Variants in KHSRP observed in about 807,000 individuals in gnomAD.
KHSRP encodes the protein KH-type splicing regulatory protein, also known as far upstream element-binding protein 2.
KHSRP carries 13 observed loss-of-function variants against 94.9 expected under a neutral mutation model. The observed-to-expected ratio is 0.14, with a 90% CI of 0.09 to 0.22. The LOEUF (loss-of-function observed/expected upper bound fraction) is 0.22, where lower values mean the gene tolerates loss of function less well. Among genes scored for constraint, KHSRP ranks in the 10% least tolerant of loss-of-function variants. The probability of loss-of-function intolerance (pLI) is 1.00; values close to 1 mark genes in which losing one functional copy is unlikely to be tolerated. For missense variants in KHSRP, 710 were observed against 1,010.0 expected (o/e 0.70, Z 4.03); for synonymous variants, 495 against 401.4 (o/e 1.23, Z -2.79).
rs186521961 is a variant in KHSRP, at chr19:6,421,871, C to T, written c.347-183G>A. Among the ~76,000 whole-genome samples the T allele has an allele frequency of 2.7e-3, 405 of 152,342 alleles. 2 individuals are homozygous for T. Among genetic ancestry groups the T allele is most frequent in the Non-Finnish European group, 4.9e-3 (336 of 68,040 alleles). On this transcript the variant is annotated intron_variant, in intron 2 of 18. Transcript: ENST00000600480. ...GGCCAGACCCCGCCAATTCCGCCAC[C>T]AACGCTCAGAGTAAAAAAGCCTTCA...
chr19:6,416,544 C>T lies in KHSRP; in HGVS notation c.1434G>A (p.Arg478=), dbSNP rs757649758. Reference sequence around the variant, plus strand: ...CGTGGTCAATCTGCTGGGGTGAACCCCGGATGATGAACAACTTGAAGTTGG... The same window carrying T: ...CGTGGTCAATCTGCTGGGGTGAACCTCGGATGATGAACAACTTGAAGTTGG... The part of the protein sequence containing the change: ...GDPNFKLFII[R]GSPQQIDHAK... The change falls in exon 14 of 19, where the codon CGG becomes CGA. Residue 478 remains arginine, a synonymous_variant. Transcript: ENST00000600480. 2 of 1,613,808 alleles carry T rather than the reference C, an allele frequency of 1.2e-6. No individual in the cohort carries two copies. The highest frequency in any genetic ancestry group is 2.2e-5 in the South Asian group (2 of 91,070).
chr19:6,418,984 T>C lies in KHSRP; in HGVS notation c.606-108A>G. 7.8e-7 allele frequency: 1 copy of C among 1,279,336 alleles called. No individual in the cohort carries two copies. The allele number at this position is 1,279,336 out of a possible 1,614,324, so 79.2% of individuals were successfully genotyped here. A position where few individuals can be genotyped will look rare whatever the true frequency, so the allele number is the denominator to read the frequency against. ...AAGGCGACCCCAGAGTGTGCAAGGATGACAGGGAAGAGGGGCCAGTCACAG... is the reference window on the plus strand; with the variant it reads ...AAGGCGACCCCAGAGTGTGCAAGGACGACAGGGAAGAGGGGCCAGTCACAG... On this transcript the variant is annotated intron_variant, in intron 7 of 18. Transcript: ENST00000600480. The surrounding 1 kb of genome is among the most constrained non-coding windows in gnomAD (Gnocchi z 4.3).
rs985395992 is a variant in KHSRP, at chr19:6,414,817, G to A, written c.*207C>T. On this transcript the variant is annotated 3_prime_UTR_variant, in exon 19 of 19. Transcript: ENST00000600480. The stretch of plus-strand genomic sequence containing the variant: ...GGCCGGGCCGGTGCCCACCGTCCGC[G>A]CTGTCTGCCTGCCCCCCGACTCCCC... 3.1e-5 allele frequency: 37 copies of A among 1,211,574 alleles called. No individual in the cohort carries two copies. The highest frequency in any genetic ancestry group is 8.3e-5 in the Admixed American group (2 of 24,090). 75.1% of individuals were successfully genotyped at this position (1,211,574 alleles called of 1,614,324 possible).
Position 6,413,467 on chromosome 19 carries a change from GAA to G in KHSRP, c.*1555_*1556del, listed in dbSNP as rs1433503888. 1.0e-5 allele frequency: 4 copies of G among 382,732 alleles called. No homozygotes were observed. Among genetic ancestry groups the G allele is most frequent in the South Asian group, 3.6e-5 (2 of 55,956 alleles). The allele number at this position is 382,732 out of a possible 1,614,324, so 23.7% of individuals were successfully genotyped here. A position where few individuals can be genotyped will look rare whatever the true frequency, so the allele number is the denominator to read the frequency against. On this transcript the variant is annotated 3_prime_UTR_variant, in exon 19 of 19. Transcript: ENST00000600480. Reference sequence around the variant, plus strand: ...AGTTTCAATCTCCTCTTGAACAGATGAAAAGACAACAGACCAGTCCTGGGAGG... The same window carrying G: ...AGTTTCAATCTCCTCTTGAACAGATGAAGACAACAGACCAGTCCTGGGAGG...
chr19:6,418,932 G>T lies in KHSRP; in HGVS notation c.606-56C>A, dbSNP rs567464678. 2.0e-6 allele frequency: 3 copies of T among 1,479,368 alleles called. No individual in the cohort carries two copies. The South Asian group carries it at 4.2e-5, about 21-fold the overall frequency. The allele number at this position is 1,479,368 out of a possible 1,614,324, so 91.6% of individuals were successfully genotyped here. ...GTGCCACCGCTGGAGAAAGGTACTG[G>T]TCTGGTGGCCCACCCAGCTCAAAGG... On this transcript the variant is annotated intron_variant, in intron 7 of 18. Coordinates refer to ENST00000600480, the MANE Select transcript of KHSRP (RefSeq NM_001366299.1). The surrounding 1 kb of genome is among the most constrained non-coding windows in gnomAD (Gnocchi z 4.3).
At chr19:6,415,508 G>A (rs911918869) in intron 17 of KHSRP, 26 bp downstream of exon 17, 1 of 1,539,058 alleles carries the variant, frequency 6.5e-7, no homozygotes, top group Non-Finnish European at 8.8e-7. Flanking sequence ...CAGGGCTGGA[G>A]CCCCCCCGCC....
In KHSRP at chr19:6,415,523, T is replaced by C; in HGVS notation, c.1888+11A>G. 1 of 1,545,790 alleles carries C rather than the reference T, an allele frequency of 6.5e-7. No homozygotes were observed. Among genetic ancestry groups the C allele is most frequent in the Non-Finnish European group, 8.7e-7 (1 of 1,144,598 alleles). On this transcript the variant is annotated intron_variant, in intron 17 of 18. Coordinates refer to ENST00000600480, the MANE Select transcript of KHSRP (RefSeq NM_001366299.1). ...CAGGGCTGGAGCCCCCCCGCCACCC[T>C]GCAGACTCACCGATCTTTTTGTAAT...
chr19:6,416,254 A>G, intron 15 of KHSRP, 44 bp downstream of exon 15: 1 of 1,469,738 alleles, frequency 6.8e-7, no homozygotes, highest in Non-Finnish European at 9.3e-7. Context: ...TTGCCAGCTC[A>G]GTAAGCCCCC....
intron 1 of KHSRP, 117 bp from the exon 2 acceptor site, chr19:6,422,553 GCCCT>G: frequency 4.2e-6 from 3 of 709,820 alleles, no homozygotes; most frequent in Non-Finnish European, 4.8e-6. Context: ...TTGGTGTCTG[GCCCT>G]CCAACTTAGG....
In KHSRP at chr19:6,417,019, G is replaced by T; in HGVS notation, c.1150C>A (p.Arg384=). ...GPPDRCEHAA[R]IINDLLQSLR... is the part of the protein sequence containing the mutation. ...CTCTGGAGGAGGTCGTTGATGATCC[G>T]GGCTGCGTGCTCGCACCTGTCTGGG... Residue 384 remains arginine, a synonymous_variant, in exon 12 of 19, where the codon CGG becomes AGG. Coordinates refer to ENST00000600480, the MANE Select transcript of KHSRP (RefSeq NM_001366299.1). 4 of 1,613,678 alleles carry T rather than the reference G, an allele frequency of 2.5e-6. No homozygotes were observed. Among genetic ancestry groups the T allele is most frequent in the Non-Finnish European group, 3.4e-6 (4 of 1,179,854 alleles).
At position 6,424,731 on chromosome 19, in the gene KHSRP, G is replaced by C; in HGVS notation, c.-30C>G. The C allele has an allele frequency of 2.0e-6, 2 of 1,009,112 alleles. No individual in the cohort carries two copies. The highest frequency in any genetic ancestry group is 2.4e-6 in the Non-Finnish European group (2 of 835,422). The allele number at this position is 1,009,112 out of a possible 1,614,324, so 62.5% of individuals were successfully genotyped here. On this transcript the variant is annotated 5_prime_UTR_variant, in exon 1 of 19. Transcript: ENST00000600480. ...CGGCGGGGCCGGGCCTGGCGCGGAG[G>C]CTGAAGCTGAGGAGGCGGCGGCGGC...
chr19:6,416,606 C>T lies in KHSRP; in HGVS notation c.1372G>A (p.Val458Ile), dbSNP rs2092148549. 3.1e-6 allele frequency: 5 copies of T among 1,613,868 alleles called. No individual in the cohort carries two copies. Among genetic ancestry groups the T allele is most frequent in the Non-Finnish European group, 3.4e-6 (4 of 1,179,800 alleles). ...KAINQQTGAF[V>I]EISRQLPPNG... ...GGTGGCAGCTGCCGGGAGATCTCTACGAAGGCTCCCGTCTGCTGGTTTATG... is the reference window on the plus strand; with the variant it reads ...GGTGGCAGCTGCCGGGAGATCTCTATGAAGGCTCCCGTCTGCTGGTTTATG... Residue 458 changes from valine to isoleucine, a missense_variant, in exon 14 of 19, where the codon GTA (valine) becomes ATA (isoleucine). Physicochemically the swap from Val to Ile is conservative, Grantham distance 29. Coordinates refer to ENST00000600480, the MANE Select transcript of KHSRP (RefSeq NM_001366299.1).
chr19:6,413,743 G>A lies in KHSRP; in HGVS notation c.*1281C>T, dbSNP rs1436985637. 1.3e-5 allele frequency: 2 copies of A among 152,520 alleles called. No homozygotes were observed. Among genetic ancestry groups the A allele is most frequent in the Non-Finnish European group, 2.9e-5 (2 of 68,704 alleles). 9.4% of individuals were successfully genotyped at this position (152,520 alleles called of 1,614,324 possible). On this transcript the variant is annotated 3_prime_UTR_variant, in exon 19 of 19. Coordinates refer to ENST00000600480, the MANE Select transcript of KHSRP (RefSeq NM_001366299.1). ...AGAGAGGCAGGTTCAGGAAGGCTGG[G>A]GGGTGAAGAATAGAGACTTTTTAAT...
Position 6,413,148 on chromosome 19 carries a change from G to GA in KHSRP, c.*1875_*1876insT, listed in dbSNP as rs2092111340. 6.8e-6 allele frequency among the ~76,000 whole-genome samples: 1 copy of GA among 146,640 alleles called. No homozygotes were observed. Among genetic ancestry groups the GA allele is most frequent in the Admixed American group, 6.8e-5 (1 of 14,662 alleles). On this transcript the variant is annotated 3_prime_UTR_variant, in exon 19 of 19. Transcript: ENST00000600480. ...TTTATTTAACAAAAAAAAAAAAGGG[G>GA]GGGGGGCACGGTTAGGAAAGCACAT...
intron 11 of KHSRP, among the ~76,000 whole-genome samples, chr19:6,417,448 G>A (rs898485367): frequency 1.3e-5 from 2 of 152,220 alleles, no homozygotes; most frequent in African/African-American, 4.8e-5. Context: ...GGAGTGCCCT[G>A]ATCCAGCCTG....
Position 6,420,158 on chromosome 19 carries a change from G to A in KHSRP, c.476-14C>T, listed in dbSNP as rs750570424. 2 of 1,608,958 alleles carry A rather than the reference G, an allele frequency of 1.2e-6. No individual in the cohort carries two copies. Among genetic ancestry groups the A allele is most frequent in the Non-Finnish European group, 1.7e-6 (2 of 1,176,202 alleles). ...CTCTGCCAATGACTGGATGGAGAAA[G>A]AAGGAGAAAAGCAAAGCGTGATGAG... On this transcript the variant is annotated splice_polypyrimidine_tract_variant and intron_variant, in intron 5 of 18. Transcript: ENST00000600480.
At chr19:6,416,466 T>TCCCCAGAGCCCG (rs1406608156) in intron 14 of KHSRP, 24 bp downstream of exon 14, 1 of 1,612,084 alleles carries the variant, frequency 6.2e-7, no homozygotes, top group Non-Finnish European at 8.5e-7. Flanking sequence ...TGAGACCAAA[T>TCCCCAGAGCCCG]CCCCAGAGCC....
In KHSRP at chr19:6,414,617, C is replaced by G; in HGVS notation, c.*407G>C. 2 of 1,011,416 alleles carry G rather than the reference C, an allele frequency of 2.0e-6. No homozygotes were observed. Among genetic ancestry groups the G allele is most frequent in the Non-Finnish European group, 2.4e-6 (2 of 847,864 alleles). 62.7% of individuals were successfully genotyped at this position (1,011,416 alleles called of 1,614,324 possible). Reference sequence around the variant, plus strand: ...GCCTGGGCCGCTCCCCGCGTCCCCACCAGTCCCTGCCAGAGCCAGGCCGCC... The same window carrying G: ...GCCTGGGCCGCTCCCCGCGTCCCCAGCAGTCCCTGCCAGAGCCAGGCCGCC... On this transcript the variant is annotated 3_prime_UTR_variant, in exon 19 of 19. Transcript: ENST00000600480.
chr19:6,413,177 G>C lies in KHSRP; in HGVS notation c.*1847C>G, dbSNP rs1217179516. Reference sequence around the variant, plus strand: ...GGGCACGGTTAGGAAAGCACATTGAGCCTGAAGAAAACTATTTTATATTTT... The same window carrying C: ...GGGCACGGTTAGGAAAGCACATTGACCCTGAAGAAAACTATTTTATATTTT... On this transcript the variant is annotated 3_prime_UTR_variant, in exon 19 of 19. Transcript: ENST00000600480. Among the ~76,000 whole-genome samples, 1 of 143,526 alleles carries C rather than the reference G, an allele frequency of 7.0e-6. No individual in the cohort carries two copies. Among genetic ancestry groups the C allele is most frequent in the Non-Finnish European group, 1.5e-5 (1 of 66,020 alleles). 94.2% of individuals were successfully genotyped at this position (143,526 alleles called of 152,430 possible). A position where few individuals can be genotyped will look rare whatever the true frequency, so the allele number is the denominator to read the frequency against.
Sources: allele counts gnomAD v4.1 joint callset (sites outside exome capture counted in the v4.1 genomes callset), GRCh38; gene constraint gnomAD v4.1.1; non-coding constraint Gnocchi (gnomAD v3.1); transcripts MANE v1.5; gene names NCBI Gene and HGNC (gene_info 2026-07-23, HGNC 2026-07-21).